Variants in HNRNPR observed in about 807,000 individuals in gnomAD.
HNRNPR encodes the protein heterogeneous nuclear ribonucleoprotein R.
HNRNPR carries 4 observed loss-of-function variants against 70.3 expected under a neutral mutation model. The observed-to-expected ratio is 0.06, with a 90% CI of 0.03 to 0.13. The LOEUF is 0.13. Ranked by LOEUF, HNRNPR falls within the 10% of genes least tolerant of loss-of-function variation. The pLI is 1.00. For missense variants in HNRNPR, 423 were observed against 788.5 expected (o/e 0.54, Z 5.55); for synonymous variants, 241 against 267.6 (o/e 0.90, Z 0.97).
chr1:23,324,132 G>A (rs1252792390), intron 5 of HNRNPR, among the ~76,000 whole-genome samples: 2 of 149,914 alleles, frequency 1.3e-5, no homozygotes, highest in Non-Finnish European at 3.0e-5. Context: ...AGGCAACATG[G>A]CAAAACCCCA....
rs566808640 is a variant in HNRNPR, at chr1:23,331,337, A to G, written c.498+2181T>C. Among the ~76,000 whole-genome samples the G allele has an allele frequency of 2.3e-4, 35 of 150,380 alleles. No individual in the cohort carries two copies. In the South Asian group the frequency reaches 6.1e-3, roughly 26 times the overall value. ...AGCATTTTGGGAGACCAAAGTGGGA[A>G]GATCACTTCAGCCCATGAGTTGGAG... On this transcript the variant is annotated intron_variant, in intron 5 of 10. Coordinates refer to ENST00000302271, the MANE Select transcript of HNRNPR (RefSeq NM_005826.5).
At chr1:23,312,126 C>G (rs547472487) in intron 9 of HNRNPR, among the ~76,000 whole-genome samples, 102 of 152,026 alleles carry the variant, frequency 6.7e-4, no homozygotes, top group African/African-American at 2.4e-3. Context: ...TCTGGGCACA[C>G]ATAAAAAAAT....
intron 4 of HNRNPR, among the ~76,000 whole-genome samples, chr1:23,333,997 T>C (rs1646354094): frequency 6.6e-6 from 1 of 152,094 alleles, no homozygotes; most frequent in Non-Finnish European, 1.5e-5. Context: ...CACTGCAACC[T>C]CTGCCTCCCG....
At chr1:23,328,955 T>TA (rs1003183459) in intron 5 of HNRNPR, among the ~76,000 whole-genome samples, 4 of 152,004 alleles carry the variant, frequency 2.6e-5, no homozygotes, top group Non-Finnish European at 2.9e-5. Context: ...CCTGCCTCTA[T>TA]AAAAAAATTT....
In HNRNPR at chr1:23,329,392, C is replaced by T. The variant is rs564530856; in HGVS notation, c.498+4126G>A. On this transcript the variant is annotated intron_variant, in intron 5 of 10. Coordinates refer to ENST00000302271, the MANE Select transcript of HNRNPR (RefSeq NM_005826.5). ...ACTAAAATGAAATAGGAATACTTTC[C>T]TTTTATTAACTTTTTAGTCTCTGAG... Among the ~76,000 whole-genome samples, 3 of 152,196 alleles carry T rather than the reference C, an allele frequency of 2.0e-5. No homozygotes were observed. The East Asian group carries it at 5.8e-4, about 29-fold the overall frequency.
At chr1:23,331,834 T>TAA (rs59006948) in intron 5 of HNRNPR, among the ~76,000 whole-genome samples, 1,472 of 59,206 alleles carry the variant, frequency 0.025, 91 homozygotes, top group African/African-American at 0.031. Context: ...ACTGTTTCTT[T>TAA]AAAAAAAAAA....
Position 23,340,162 on chromosome 1 carries a change from T to G in HNRNPR, c.157+690A>C, listed in dbSNP as rs189883140. ...CAGAGGAAGAAAGTTTCCATCTATG[T>G]CCCCAAAGGAGGAGGACACATTCAT... is the stretch of plus-strand genomic sequence containing the variant. On this transcript the variant is annotated intron_variant, in intron 2 of 10. Coordinates refer to ENST00000302271, the MANE Select transcript of HNRNPR (RefSeq NM_005826.5). Among the ~76,000 whole-genome samples, 8 of 152,230 alleles carry G rather than the reference T, an allele frequency of 5.3e-5. No individual in the cohort carries two copies. The East Asian group carries it at 1.5e-3, about 29-fold the overall frequency.
chr1:23,344,020 G>A (rs1570157927), intron 1 of HNRNPR, among the ~76,000 whole-genome samples, 191 bp downstream of exon 1: 1 of 152,078 alleles, frequency 6.6e-6, no homozygotes, highest in Non-Finnish European at 1.5e-5. Flanking sequence ...GAGCGAGGGC[G>A]AGAAGCGTTT....
At position 23,309,618 on chromosome 1, in the gene HNRNPR, A is replaced by G. The variant is rs751751368; in HGVS notation, c.*836T>C. Reference sequence around the variant, plus strand: ...AGTGCTAATTGGAATAAATACTTGAATTTAGACTAATCCTCAGTCTAATAT... The same window carrying G: ...AGTGCTAATTGGAATAAATACTTGAGTTTAGACTAATCCTCAGTCTAATAT... On this transcript the variant is annotated 3_prime_UTR_variant, in exon 11 of 11. Transcript: ENST00000302271. 4 of 152,570 alleles carry G rather than the reference A, an allele frequency of 2.6e-5. No homozygotes were observed. The highest frequency in any genetic ancestry group is 2.0e-4 in the Admixed American group (3 of 15,272). The allele number at this position is 152,570 out of a possible 1,614,324, so 9.5% of individuals were successfully genotyped here.
rs1361800317 is a variant in HNRNPR, at chr1:23,321,518, T to A, written c.811+10A>T. On this transcript the variant is annotated intron_variant, in intron 7 of 10. Coordinates refer to ENST00000302271, the MANE Select transcript of HNRNPR (RefSeq NM_005826.5). ...CGCAAAAGTAATTTCTAAATACATT[T>A]TTGTTTTACCTGTGACTTTACTGAA... is the stretch of plus-strand genomic sequence containing the variant. 5.6e-6 allele frequency: 9 copies of A among 1,609,606 alleles called. No individual in the cohort carries two copies. Among genetic ancestry groups the A allele is most frequent in the Non-Finnish European group, 7.6e-6 (9 of 1,176,960 alleles).
chr1:23,310,381 A>ATTT lies in HNRNPR; in HGVS notation c.*70_*72dup. On this transcript the variant is annotated 3_prime_UTR_variant, in exon 11 of 11. Transcript: ENST00000302271. This position sits in a 1 kb window ranked among gnomAD's most constrained non-coding sequence, Gnocchi z 6.0. ...ACTTAAAGATGAAACAGTTAAGCCA[A>ATTT]TTTTTTTTTTTGAAGAATGTAGATC... The ATTT allele has an allele frequency of 7.4e-6, 8 of 1,078,372 alleles. No individual in the cohort carries two copies. Among genetic ancestry groups the ATTT allele is most frequent in the Non-Finnish European group, 7.5e-6 (6 of 795,102 alleles). The allele number at this position is 1,078,372 out of a possible 1,614,324, so 66.8% of individuals were successfully genotyped here. A position where few individuals can be genotyped will look rare whatever the true frequency, so the allele number is the denominator to read the frequency against.
chr1:23,337,689 G>T (rs1646554515), intron 4 of HNRNPR, 65 bp downstream of exon 4: 2 of 941,524 alleles, frequency 2.1e-6, no homozygotes, highest in South Asian at 1.4e-5. Flanking sequence ...TAGGAAACAT[G>T]GAAAGAGGCA....
intron 6 of HNRNPR, among the ~76,000 whole-genome samples, chr1:23,322,079 C>T (rs950113624): frequency 2.0e-5 from 3 of 151,954 alleles, no homozygotes; most frequent in Non-Finnish European, 2.9e-5. Context: ...TTAATCAATG[C>T]AAAGATATTA....
chr1:23,315,785 A>C (rs1645519754), intron 8 of HNRNPR, among the ~76,000 whole-genome samples: 1 of 152,224 alleles, frequency 6.6e-6, no homozygotes, highest in South Asian at 2.1e-4. Context: ...ATAAGAAGAT[A>C]CTAATTTAAG....
At chr1:23,322,937 AG>A (rs1472124643) in intron 6 of HNRNPR, among the ~76,000 whole-genome samples, 1 of 152,232 alleles carries the variant, frequency 6.6e-6, no homozygotes, top group Non-Finnish European at 1.5e-5. Context: ...GTCTGAAATG[AG>A]CACCAAGTGG....
intron 5 of HNRNPR, among the ~76,000 whole-genome samples, chr1:23,329,714 G>A (rs891445691): frequency 4.6e-5 from 7 of 152,194 alleles, no homozygotes; most frequent in Non-Finnish European, 7.3e-5. Flanking sequence ...TCACTGTAGT[G>A]ACCTCCAGAC....
intron 4 of HNRNPR, among the ~76,000 whole-genome samples, chr1:23,334,557 T>C (rs1334135242): frequency 1.3e-5 from 2 of 152,136 alleles, no homozygotes; most frequent in Admixed American, 6.5e-5. Context: ...TAAAGTTCCA[T>C]CATTTAAGCT....
intron 5 of HNRNPR, among the ~76,000 whole-genome samples, chr1:23,331,560 G>A (rs545858058): frequency 1.6e-4 from 25 of 152,126 alleles, no homozygotes; most frequent in Non-Finnish European, 3.5e-4. Context: ...TGTGGCGGCG[G>A]ATGCCTGTAA....
chr1:23,343,694 T>C (rs1272641323), intron 1 of HNRNPR, among the ~76,000 whole-genome samples: 1 of 152,196 alleles, frequency 6.6e-6, no homozygotes. Flanking sequence ...AATCGGCCTT[T>C]CGGTTTCTGC....
Sources: gnomAD v4.1 joint callset for allele counts (sites outside exome capture counted in the v4.1 genomes callset) on GRCh38, gnomAD v4.1.1 for gene constraint, Gnocchi (gnomAD v3.1) non-coding constraint, MANE v1.5 for transcripts, NCBI Gene and HGNC (gene_info 2026-07-23, HGNC 2026-07-21) for gene names.